Variants in WDR27 observed in about 807,000 individuals in gnomAD.
WDR27 encodes the protein WD repeat-containing protein 27.
In WDR27, 100 loss-of-function variants were observed where a neutral mutation model predicts 114.4. The ratio of observed to expected loss-of-function variants is 0.87; its 90% CI spans 0.74 to 1.03. The LOEUF (loss-of-function observed/expected upper bound fraction) is 1.03. Ranked by LOEUF, WDR27 falls within the 50% of genes least tolerant of loss-of-function variation. WDR27 has a pLI of 0.00. For synonymous variants in WDR27, 449 were observed against 423.1 expected (o/e 1.06, Z -0.75); for missense variants, 1,129 against 1,092.9 (o/e 1.03, Z -0.47).
chr6:169,571,908 T>C (rs1275527716), intron 25 of WDR27, among the ~76,000 whole-genome samples: 1 of 152,170 alleles, frequency 6.6e-6, no homozygotes, highest in African/African-American at 2.4e-5. Context: ...CAACTGTCTC[T>C]CGACAGAGCA....
the WDR27 span, among the ~76,000 whole-genome samples, chr6:169,452,180 C>A: frequency 6.6e-6 from 1 of 152,186 alleles, no homozygotes; most frequent in Non-Finnish European, 1.5e-5. Context: ...GGCCCCACTT[C>A]GGCAGGTTTT....
At chr6:169,606,394 T>C (rs531007436) in intron 22 of WDR27, among the ~76,000 whole-genome samples, 1 of 152,344 alleles carries the variant, frequency 6.6e-6, no homozygotes, top group East Asian at 1.9e-4. Flanking sequence ...GGTGGTTTGC[T>C]GCACAGATCA....
At chr6:169,568,270 T>C (rs1800822299) in intron 25 of WDR27, among the ~76,000 whole-genome samples, 1 of 151,974 alleles carries the variant, frequency 6.6e-6, no homozygotes, top group Admixed American at 6.6e-5. Context: ...AAGGTTCCAT[T>C]TGGACAAAGG....
At chr6:169,514,880 C>G (rs781522298) in intron 25 of WDR27, among the ~76,000 whole-genome samples, 1 of 150,718 alleles carries the variant, frequency 6.6e-6, no homozygotes, top group Non-Finnish European at 1.5e-5. Context: ...ATAGTAATTA[C>G]AAAAATAATA....
At chr6:169,550,070 A>G (rs950556623) in intron 25 of WDR27, among the ~76,000 whole-genome samples, 5 of 152,044 alleles carry the variant, frequency 3.3e-5, no homozygotes, top group Non-Finnish European at 7.4e-5. Flanking sequence ...CAACAATGGT[A>G]ACAGTAACAA....
Position 169,639,285 on chromosome 6 carries a change from G to A in WDR27, c.1748-625C>T, listed in dbSNP as rs147940385. On this transcript the variant is annotated intron_variant, in intron 17 of 25. Transcript: ENST00000448612. ...GGTTTGGGGTGTGAGTGAACGCCTCGGCCCGGCAGTGTAAAACCTCGCATT... is the reference window on the plus strand; with the variant it reads ...GGTTTGGGGTGTGAGTGAACGCCTCAGCCCGGCAGTGTAAAACCTCGCATT... 4.8e-3 allele frequency among the ~76,000 whole-genome samples: 725 copies of A among 152,220 alleles called. 13 individuals are homozygous for A. Among genetic ancestry groups the A allele is most frequent in the African/African-American group, 0.017 (702 of 41,520 alleles).
In WDR27 at chr6:169,659,499, G is replaced by A; in HGVS notation, c.1149C>T (p.Ile383=). The change falls in exon 11 of 26, where the codon ATC becomes ATT. Residue 383 remains isoleucine, a synonymous_variant. Coordinates refer to ENST00000448612, the MANE Select transcript of WDR27 (RefSeq NM_182552.5). This position sits in a 1 kb window ranked among gnomAD's most constrained non-coding sequence, Gnocchi z 4.3. ...LYYKDFQSLS[I]LLAGSCALRN... ...TCAGGGCACACGATCCGGCCAGCAG[G>A]ATGCTGAGGCTCTGGAAATCTTCAG... 6.2e-7 allele frequency: 1 copy of A among 1,610,282 alleles called. No homozygotes were observed. Among genetic ancestry groups the A allele is most frequent in the Non-Finnish European group, 8.5e-7 (1 of 1,178,402 alleles).
chr6:169,557,888 T>C (rs1799143474), intron 25 of WDR27, among the ~76,000 whole-genome samples: 1 of 152,208 alleles, frequency 6.6e-6, no homozygotes, highest in Non-Finnish European at 1.5e-5. Context: ...CCCTTTTCTA[T>C]ACTGTACACT....
At chr6:169,678,150 A>C (rs1459010681) in intron 2 of WDR27, among the ~76,000 whole-genome samples, 1 of 152,232 alleles carries the variant, frequency 6.6e-6, no homozygotes, top group African/African-American at 2.4e-5. Flanking sequence ...CCAGGATGGC[A>C]GATATTCCAG....
At chr6:169,690,196 G>A (rs1386346761) in intron 1 of WDR27, among the ~76,000 whole-genome samples, 2 of 151,380 alleles carry the variant, frequency 1.3e-5, no homozygotes, top group African/African-American at 4.9e-5. Context: ...TGGATTCAGA[G>A]GATCCACCCA....
chr6:169,667,656 C>G (rs1441533528), intron 5 of WDR27, among the ~76,000 whole-genome samples: 2 of 152,200 alleles, frequency 1.3e-5, no homozygotes, highest in African/African-American at 4.8e-5. Flanking sequence ...CCCTCCACAC[C>G]CTGGGACTGG....
At chr6:169,628,032 C>T (rs894978856) in intron 21 of WDR27, among the ~76,000 whole-genome samples, 7 of 152,054 alleles carry the variant, frequency 4.6e-5, no homozygotes, top group Admixed American at 1.3e-4. Flanking sequence ...CTGGAAGTTG[C>T]TCTCCCCCCA....
the WDR27 span, among the ~76,000 whole-genome samples, chr6:169,440,501 C>A: frequency 1.3e-5 from 2 of 152,204 alleles, no homozygotes; most frequent in African/African-American, 4.8e-5. Context: ...AACTGTGAAA[C>A]TGCCAACTTC....
intron 25 of WDR27, among the ~76,000 whole-genome samples, chr6:169,531,707 G>A (rs1307616822): frequency 1.3e-5 from 2 of 149,992 alleles, no homozygotes; most frequent in East Asian, 3.9e-4. Flanking sequence ...AGGCTGGAGT[G>A]CAGTGGTGCG....
intron 25 of WDR27, among the ~76,000 whole-genome samples, chr6:169,508,544 A>C (rs946441560): frequency 6.6e-6 from 1 of 152,238 alleles, no homozygotes; most frequent in African/African-American, 2.4e-5. Context: ...AATAGTCTAA[A>C]GTGACTGAAA....
chr6:169,547,244 A>G (rs1179491367), intron 25 of WDR27, among the ~76,000 whole-genome samples: 1 of 152,180 alleles, frequency 6.6e-6, no homozygotes, highest in Non-Finnish European at 1.5e-5. Context: ...CAGATATTTA[A>G]ATAAGAAATG....
At chr6:169,522,068 A>T (rs1056140593) in intron 25 of WDR27, among the ~76,000 whole-genome samples, 8 of 152,232 alleles carry the variant, frequency 5.3e-5, no homozygotes, top group Admixed American at 3.9e-4. Context: ...ACATGACCCA[A>T]CTATATGCTG....
intron 25 of WDR27, among the ~76,000 whole-genome samples, chr6:169,542,979 A>G (rs1797013693): frequency 6.6e-6 from 1 of 152,044 alleles, no homozygotes; most frequent in African/African-American, 2.4e-5. Flanking sequence ...CAAAATCTCA[A>G]ATGTATTTTA....
At chr6:169,501,227 C>T (rs191141280) in intron 25 of WDR27, among the ~76,000 whole-genome samples, 6 of 152,352 alleles carry the variant, frequency 3.9e-5, no homozygotes, top group African/African-American at 1.2e-4. Flanking sequence ...GAACCCGATC[C>T]ACCTGCGGAT....
Sources: gnomAD v4.1 joint callset for allele counts (sites outside exome capture counted in the v4.1 genomes callset) on GRCh38, gnomAD v4.1.1 for gene constraint, Gnocchi (gnomAD v3.1) non-coding constraint, MANE v1.5 for transcripts, NCBI Gene and HGNC (gene_info 2026-07-23, HGNC 2026-07-21) for gene names.